GLCCI1: variants seen among roughly 807,000 people sequenced by gnomAD.
The protein encoded by GLCCI1 is glucocorticoid induced 1.
GLCCI1 carries 24 observed loss-of-function variants against 52.2 expected under a neutral mutation model. The ratio of observed to expected loss-of-function variants is 0.46; its 90% CI spans 0.33 to 0.65. The LOEUF is 0.65. GLCCI1 is among the 30% of genes least tolerant of loss of function. The pLI is 0.02. For missense variants in GLCCI1, 704 were observed against 701.5 expected (o/e 1.00, Z -0.04); for synonymous variants, 310 against 276.5 (o/e 1.12, Z -1.20).
At chr7:8,022,437 G>T in intron 2 of GLCCI1, 46 bp from the exon 3 acceptor site, 1 of 1,065,698 alleles carries the variant, frequency 9.4e-7, no homozygotes, top group Admixed American at 3.0e-5. Flanking sequence ...AGATTAGGAA[G>T]TAGAGATAAA....
intron 3 of GLCCI1, among the ~76,000 whole-genome samples, chr7:8,023,153 G>C (rs1161409197): frequency 6.6e-6 from 1 of 151,624 alleles, no homozygotes; most frequent in East Asian, 1.9e-4. Context: ...GTAGCTGGGA[G>C]TACAGGCACC....
At chr7:8,013,272 T>G (rs553598746) in intron 2 of GLCCI1, among the ~76,000 whole-genome samples, 2 of 152,308 alleles carry the variant, frequency 1.3e-5, no homozygotes, top group South Asian at 4.1e-4. Context: ...GGAGTTTATT[T>G]TGATGGAAGG....
chr7:8,083,688 G>C lies in GLCCI1; in HGVS notation c.1178-1209G>C, dbSNP rs115519917. Among the ~76,000 whole-genome samples, 1,258 of 152,222 alleles carry C rather than the reference G, an allele frequency of 8.3e-3. 23 individuals are homozygous for C. Among genetic ancestry groups the C allele is most frequent in the African/African-American group, 0.028 (1,184 of 41,550 alleles). ...GATAGAGAAACTGTGTGGTTTTCTA[G>C]CTTTCCCAATAGTATAACGTTATTA... On this transcript the variant is annotated intron_variant, in intron 6 of 7. Transcript: ENST00000223145.
At chr7:8,006,566 C>T (rs1214993029) in intron 2 of GLCCI1, among the ~76,000 whole-genome samples, 3 of 152,086 alleles carry the variant, frequency 2.0e-5, no homozygotes, top group African/African-American at 4.8e-5. Flanking sequence ...TAGACATGCC[C>T]GCTTGTAACA....
In GLCCI1 at chr7:7,970,420, C is replaced by G. The variant is rs1399387133; in HGVS notation, c.457+613C>G. On this transcript the variant is annotated intron_variant, in intron 1 of 7. Transcript: ENST00000223145. Reference sequence around the variant, plus strand: ...CGCCACCCCGCCTCTCTCTCTCCCTCTCTTTCTCCCCCTCCCCTTTATATA... The same window carrying G: ...CGCCACCCCGCCTCTCTCTCTCCCTGTCTTTCTCCCCCTCCCCTTTATATA... 4 of 148,166 alleles carry G rather than the reference C, an allele frequency of 2.7e-5. No individual in the cohort carries two copies. In the Admixed American group the frequency reaches 2.7e-4, roughly 10 times the overall value. 9.2% of individuals were successfully genotyped at this position (148,166 alleles called of 1,614,324 possible). A position where few individuals can be genotyped will look rare whatever the true frequency, so the allele number is the denominator to read the frequency against.
At chr7:8,034,999 A>G (rs1017370340) in intron 3 of GLCCI1, among the ~76,000 whole-genome samples, 6 of 152,188 alleles carry the variant, frequency 3.9e-5, no homozygotes, top group Admixed American at 3.9e-4. Context: ...TATTTGGGAC[A>G]TGCCTGTTGA....
chr7:7,994,132 T>C (rs1275474480), intron 1 of GLCCI1, among the ~76,000 whole-genome samples: 1 of 152,192 alleles, frequency 6.6e-6, no homozygotes, highest in Non-Finnish European at 1.5e-5. Context: ...TTCATGCTTG[T>C]AATCCCAGCT....
At chr7:8,043,447 A>C (rs1465150644) in intron 3 of GLCCI1, among the ~76,000 whole-genome samples, 1 of 152,238 alleles carries the variant, frequency 6.6e-6, no homozygotes, top group Non-Finnish European at 1.5e-5. Flanking sequence ...ATAGCTTGCC[A>C]ATCCTTGCTA....
chr7:8,002,572 T>C (rs1329265539), intron 1 of GLCCI1, among the ~76,000 whole-genome samples: 10 of 152,232 alleles, frequency 6.6e-5, no homozygotes, highest in Non-Finnish European at 1.3e-4. Context: ...CTGCCTAATA[T>C]GATAACATGC....
chr7:7,987,006 C>A (rs1780750561), intron 1 of GLCCI1, among the ~76,000 whole-genome samples: 1 of 152,152 alleles, frequency 6.6e-6, no homozygotes, highest in South Asian at 2.1e-4. Context: ...CCTCTTAAGT[C>A]TTTTCCCATG....
At chr7:8,058,424 G>A (rs1782447637) in intron 4 of GLCCI1, among the ~76,000 whole-genome samples, 1 of 152,036 alleles carries the variant, frequency 6.6e-6, no homozygotes, top group Non-Finnish European at 1.5e-5. Context: ...CAATGAAAAA[G>A]CAGGGCCCAT....
chr7:8,055,618 C>T (rs1392182668), intron 4 of GLCCI1, 69 bp downstream of exon 4: 1 of 912,316 alleles, frequency 1.1e-6, no homozygotes, highest in African/African-American at 1.7e-5. Flanking sequence ...TTCATCATTT[C>T]AGCATTTAAA....
At chr7:8,052,104 ATAAGATTTTTT>A (rs1477123419) in intron 3 of GLCCI1, among the ~76,000 whole-genome samples, 19 of 152,270 alleles carry the variant, frequency 1.2e-4, no homozygotes, top group African/African-American at 4.6e-4. Context: ...CCCCATTAGC[ATAAGATTTTTT>A]TTTTTAAAGG....
At position 8,087,480 on chromosome 7, in the gene GLCCI1, CTAGAGT is replaced by C. The variant is rs1276735906; in HGVS notation, c.*945_*950del. ...TGATGAAATTTAAAGACAAGAATGT[CTAGAGT>C]TAATTTCAAAATAAGTGAAGTGTTT... is the stretch of plus-strand genomic sequence containing the variant. On this transcript the variant is annotated 3_prime_UTR_variant, in exon 8 of 8. Transcript: ENST00000223145. The C allele has an allele frequency of 6.6e-6, 1 of 152,532 alleles. No individual in the cohort carries two copies. The highest frequency in any genetic ancestry group is 1.5e-5 in the Non-Finnish European group (1 of 68,022). 9.4% of individuals were successfully genotyped at this position (152,532 alleles called of 1,614,324 possible).
intron 3 of GLCCI1, among the ~76,000 whole-genome samples, chr7:8,052,127 C>T (rs911196145): frequency 6.6e-6 from 1 of 151,750 alleles, no homozygotes; most frequent in African/African-American, 2.4e-5. Flanking sequence ...TTTTAAAGGG[C>T]AGTGTCTTTC....
At position 8,003,948 on chromosome 7, in the gene GLCCI1, A is replaced by C. The variant is rs978885227; in HGVS notation, c.498A>C (p.Thr166=). ...AKSQQVRTSS[T]IRRTSSLDTI... ...CTCAGCAAGTTCGGACCTCTAGTAC[A>C]ATAAGGCGAACCTCCTCTTTGGATA... Residue 166 remains threonine (T), a synonymous_variant, in exon 2 of 8, where the codon ACA becomes ACC. Coordinates refer to ENST00000223145, the MANE Select transcript of GLCCI1 (RefSeq NM_138426.4). 6.2e-7 allele frequency: 1 copy of C among 1,613,818 alleles called. No homozygotes were observed. The highest frequency in any genetic ancestry group is 8.5e-7 in the Non-Finnish European group (1 of 1,179,810).
Position 8,070,933 on chromosome 7 carries a change from C to T in GLCCI1, c.979C>T (p.Pro327Ser). The change falls in exon 6 of 8, where the codon CCA becomes TCA. Residue 327 changes from proline (P) to serine (S), a missense_variant. By Grantham distance (74) the Pro-to-Ser change is moderately conservative. Transcript: ENST00000223145. ...KEEVSKPLDI[P>S]DGRRAPLPAH... Reference sequence around the variant, plus strand: ...ATTCCTCTTACAGCCGTTGGACATACCAGATGGTCGAAGAGCTCCACTTCC... The same window carrying T: ...ATTCCTCTTACAGCCGTTGGACATATCAGATGGTCGAAGAGCTCCACTTCC... The T allele has an allele frequency of 6.2e-7, 1 of 1,613,926 alleles. No homozygotes were observed.
chr7:8,038,710 G>A (rs1781925185), intron 3 of GLCCI1, among the ~76,000 whole-genome samples: 1 of 152,094 alleles, frequency 6.6e-6, no homozygotes. Flanking sequence ...ATTGGCCTAA[G>A]CAAAAAATTT....
chr7:7,969,304 C>G lies in GLCCI1; in HGVS notation c.-47C>G. 1 of 1,385,870 alleles carries G rather than the reference C, an allele frequency of 7.2e-7. No individual in the cohort carries two copies. The highest frequency in any genetic ancestry group is 9.4e-7 in the Non-Finnish European group (1 of 1,062,344). The allele number at this position is 1,385,870 out of a possible 1,614,324, so 85.8% of individuals were successfully genotyped here. A position where few individuals can be genotyped will look rare whatever the true frequency, so the allele number is the denominator to read the frequency against. On this transcript the variant is annotated 5_prime_UTR_variant, in exon 1 of 8. Coordinates refer to ENST00000223145, the MANE Select transcript of GLCCI1 (RefSeq NM_138426.4). This position sits in a 1 kb window ranked among gnomAD's most constrained non-coding sequence, Gnocchi z 4.9. ...CCCACACGCTCGCGCGCCTCCCGCCCCGCGCCTCCGTGTCGGCCGGCGGCG... is the reference window on the plus strand; with the variant it reads ...CCCACACGCTCGCGCGCCTCCCGCCGCGCGCCTCCGTGTCGGCCGGCGGCG...
Sources: gnomAD v4.1 joint callset for allele counts (sites outside exome capture counted in the v4.1 genomes callset) on GRCh38, gnomAD v4.1.1 for gene constraint, Gnocchi (gnomAD v3.1) non-coding constraint, MANE v1.5 for transcripts, NCBI Gene and HGNC (gene_info 2026-07-23, HGNC 2026-07-21) for gene names.